Variants in PIP5K1B observed in about 807,000 individuals in gnomAD.
PIP5K1B encodes phosphatidylinositol-4-phosphate 5-kinase type 1 beta, also known as phosphatidylinositol 4-phosphate 5-kinase type-1 beta.
Under a neutral mutation model 67.0 loss-of-function variants are expected in PIP5K1B, and 42 were observed. The observed-to-expected ratio is 0.63, with a 90% confidence interval of 0.49 to 0.81. PIP5K1B has a LOEUF of 0.81. Ranked by LOEUF, PIP5K1B falls within the 30% of genes least tolerant of loss-of-function variation. PIP5K1B has a pLI of 0.00. For missense variants in PIP5K1B, 459 were observed against 646.3 expected (o/e 0.71, Z 3.14); for synonymous variants, 214 against 231.4 (o/e 0.92, Z 0.68).
chr9:68,993,169 A>AT lies in PIP5K1B; in HGVS notation c.1620+1912_1620+1913insT, dbSNP rs1188477786. Among the ~76,000 whole-genome samples, 25 of 151,788 alleles carry AT rather than the reference A, an allele frequency of 1.6e-4. No homozygotes were observed. In the South Asian group the frequency reaches 3.1e-3, roughly 19 times the overall value. On this transcript the variant is annotated intron_variant, in intron 15 of 15. Coordinates refer to ENST00000265382, the MANE Select transcript of PIP5K1B (RefSeq NM_003558.4). Reference sequence around the variant, plus strand: ...AGAGCCAGACTCCGTCTCCAAAAAAAAAAAAGTCCTCCAGGCCCTGCATGG... The same window carrying AT: ...AGAGCCAGACTCCGTCTCCAAAAAAATAAAAAGTCCTCCAGGCCCTGCATGG...
intron 2 of PIP5K1B, chr9:68,780,837 C>A (rs1450137248): frequency 3.1e-6 from 5 of 1,614,228 alleles, no homozygotes; most frequent in Non-Finnish European, 4.2e-6. Context: ...CACCAACATG[C>A]TTTCTTCTGA....
At chr9:68,941,530 T>G (rs563307552) in intron 14 of PIP5K1B, among the ~76,000 whole-genome samples, 1 of 152,236 alleles carries the variant, frequency 6.6e-6, no homozygotes, top group South Asian at 2.1e-4. Context: ...AGCAACTTTG[T>G]GTGAATTTTT....
chr9:68,841,172 T>C (rs1821902239), intron 4 of PIP5K1B, among the ~76,000 whole-genome samples: 1 of 152,174 alleles, frequency 6.6e-6, no homozygotes, highest in African/African-American at 2.4e-5. Context: ...AAATAAGAAA[T>C]CACTTTCTGG....
intron 13 of PIP5K1B, among the ~76,000 whole-genome samples, chr9:68,937,664 T>C (rs1432433405): frequency 6.6e-6 from 1 of 152,228 alleles, no homozygotes; most frequent in Non-Finnish European, 1.5e-5. Context: ...ATTTGTTTGC[T>C]GTTGCTTCTC....
intron 3 of PIP5K1B, among the ~76,000 whole-genome samples, chr9:68,820,407 T>G (rs999636511): frequency 6.6e-6 from 1 of 152,218 alleles, no homozygotes; most frequent in Non-Finnish European, 1.5e-5. Context: ...ATTAAATAGA[T>G]GCAAATAGAA....
At chr9:68,997,916 A>G (rs1309284972) in intron 15 of PIP5K1B, among the ~76,000 whole-genome samples, 1 of 152,136 alleles carries the variant, frequency 6.6e-6, no homozygotes, top group East Asian at 1.9e-4. Flanking sequence ...TTCCAGTTCA[A>G]TTAGGCTCAG....
chr9:68,946,723 T>C (rs1827823004), intron 14 of PIP5K1B, among the ~76,000 whole-genome samples: 1 of 152,150 alleles, frequency 6.6e-6, no homozygotes, highest in Non-Finnish European at 1.5e-5. Flanking sequence ...ATCTGCTGAC[T>C]CCTGCCTTGC....
At position 68,940,665 on chromosome 9, in the gene PIP5K1B, G is replaced by T; in HGVS notation, c.1377G>T (p.Arg459Ser). ...LDEEALGSRH[R>S]PDLVPSTPSL... The stretch of plus-strand genomic sequence containing the variant: ...TCCTAGCCCTGGGATCCCGACACAG[G>T]CCAGACCTGGTCCCTAGCACTCCAT... The change falls in exon 14 of 16, where the codon AGG becomes AGT. Residue 459 changes from arginine (R) to serine (S), a missense_variant. Around this residue, in one of 2 missense-constraint regions of PIP5K1B, gnomAD observed 169 missense variants for 171.9 expected, o/e 0.98. Coordinates refer to ENST00000265382, the MANE Select transcript of PIP5K1B (RefSeq NM_003558.4). 1 of 1,613,994 alleles carries T rather than the reference G, an allele frequency of 6.2e-7. No homozygotes were observed. Among genetic ancestry groups the T allele is most frequent in the Non-Finnish European group, 8.5e-7 (1 of 1,179,900 alleles).
chr9:68,866,937 T>G (rs1305501692), intron 5 of PIP5K1B, among the ~76,000 whole-genome samples: 2 of 152,170 alleles, frequency 1.3e-5, no homozygotes, highest in African/African-American at 4.8e-5. Flanking sequence ...GAGGCAATAT[T>G]GCTGGGGTCA....
chr9:68,880,112 G>A (rs1824104957), intron 6 of PIP5K1B, among the ~76,000 whole-genome samples: 1 of 152,196 alleles, frequency 6.6e-6, no homozygotes, highest in South Asian at 2.1e-4. Flanking sequence ...CAGCAGAGTG[G>A]TTGGAGGTCT....
chr9:68,948,675 A>T (rs1427016894), intron 14 of PIP5K1B, among the ~76,000 whole-genome samples: 1 of 148,828 alleles, frequency 6.7e-6, no homozygotes, highest in African/African-American at 2.5e-5. Context: ...CAGAAGTTTT[A>T]TAATATGCCT....
At chr9:68,893,607 C>T (rs1470743819) in intron 7 of PIP5K1B, among the ~76,000 whole-genome samples, 1 of 152,142 alleles carries the variant, frequency 6.6e-6, no homozygotes. Flanking sequence ...GCTGGGATTA[C>T]AGGCGTGAGC....
chr9:68,997,815 A>G (rs1437002562), intron 15 of PIP5K1B, among the ~76,000 whole-genome samples: 1 of 152,196 alleles, frequency 6.6e-6, no homozygotes, highest in Non-Finnish European at 1.5e-5. Context: ...GAGGTCACCC[A>G]TAGGATTTTT....
intron 8 of PIP5K1B, among the ~76,000 whole-genome samples, chr9:68,909,212 G>A (rs903470196): frequency 6.6e-6 from 1 of 152,110 alleles, no homozygotes; most frequent in African/African-American, 2.4e-5. Context: ...ATATGTAAAA[G>A]TAGACCAAAT....
At chr9:68,744,852 C>G (rs1042104059) in intron 2 of PIP5K1B, among the ~76,000 whole-genome samples, 1 of 152,190 alleles carries the variant, frequency 6.6e-6, no homozygotes, top group African/African-American at 2.4e-5. Context: ...TAATTGCAGA[C>G]TGTTTCCACA....
chr9:68,931,548 AAGACCAATTCT>A (rs1413436051), intron 12 of PIP5K1B, among the ~76,000 whole-genome samples: 3 of 152,260 alleles, frequency 2.0e-5, no homozygotes, highest in African/African-American at 7.2e-5. Flanking sequence ...AAGAGAAAAA[AAGACCAATTCT>A]TCCAAAAGAG....
intron 15 of PIP5K1B, among the ~76,000 whole-genome samples, chr9:68,994,273 C>T (rs1438599475): frequency 2.0e-5 from 3 of 152,082 alleles, no homozygotes; most frequent in African/African-American, 7.2e-5. Context: ...AACTCCTGAC[C>T]TCAGGTGATC....
intron 4 of PIP5K1B, among the ~76,000 whole-genome samples, chr9:68,838,173 A>G (rs1587533287): frequency 6.7e-6 from 1 of 149,416 alleles, no homozygotes; most frequent in African/African-American, 2.5e-5. Flanking sequence ...TAAACTGACA[A>G]CCTGTTTTTT....
intron 12 of PIP5K1B, among the ~76,000 whole-genome samples, chr9:68,929,958 C>G (rs1826909685): frequency 6.6e-6 from 1 of 152,240 alleles, no homozygotes; most frequent in African/African-American, 2.4e-5. Flanking sequence ...GTGTGAGCCA[C>G]CGCACCCAGC....
Sources: gnomAD v4.1 joint callset for allele counts (sites outside exome capture counted in the v4.1 genomes callset) on GRCh38, gnomAD v4.1.1 for gene constraint, gnomAD v4.1.1 regional missense constraint, MANE v1.5 for transcripts, NCBI Gene and HGNC (gene_info 2026-07-23, HGNC 2026-07-21) for gene names.